Variants in NEGR1 observed in about 807,000 individuals in gnomAD.
NEGR1 encodes neuronal growth regulator 1, also known as IgLON family member 4.
Under a neutral mutation model 40.9 loss-of-function variants are expected in NEGR1, and 10 were observed. The observed-to-expected ratio is 0.24, with a 90% CI of 0.15 to 0.42. NEGR1 has a LOEUF of 0.42. NEGR1 is among the 10% of genes least tolerant of loss of function. The probability of loss-of-function intolerance (pLI) is 1.00; values close to 1 mark genes in which losing one functional copy is unlikely to be tolerated. For synonymous variants in NEGR1, 185 were observed against 166.8 expected, an observed-to-expected ratio of 1.11 and a Z score of -0.84; for missense variants, 352 against 438.9, an observed-to-expected ratio of 0.80 and a Z score of 1.77.
At chr1:71,614,477 G>A (rs1208857089) in intron 4 of NEGR1, among the ~76,000 whole-genome samples, 1 of 152,074 alleles carries the variant, frequency 6.6e-6, no homozygotes, top group Non-Finnish European at 1.5e-5. Context: ...AAAACTTCAT[G>A]TACTTGTCAA....
intron 4 of NEGR1, among the ~76,000 whole-genome samples, chr1:71,612,776 C>T (rs376377802): frequency 4.9e-4 from 74 of 152,180 alleles, no homozygotes; most frequent in Admixed American, 2.4e-3. Flanking sequence ...GAGACAGAAC[C>T]TTGAAGGAAG....
chr1:72,244,774 T>C (rs1245427012), intron 1 of NEGR1, among the ~76,000 whole-genome samples: 2 of 152,010 alleles, frequency 1.3e-5, no homozygotes, highest in Non-Finnish European at 2.9e-5. Context: ...TATTTAAAGA[T>C]ATCTTATTTA....
At chr1:72,273,310 T>C (rs1339520741) in intron 1 of NEGR1, among the ~76,000 whole-genome samples, 4 of 151,976 alleles carry the variant, frequency 2.6e-5, no homozygotes, top group African/African-American at 9.7e-5. Context: ...TTTGTTTAAT[T>C]AAAGCTTTAG....
At chr1:71,497,644 C>T (rs1022115148) in intron 6 of NEGR1, among the ~76,000 whole-genome samples, 8 of 151,634 alleles carry the variant, frequency 5.3e-5, no homozygotes, top group Non-Finnish European at 7.4e-5. Context: ...TTTTGAGAAG[C>T]TAAATGGAAA....
intron 2 of NEGR1, among the ~76,000 whole-genome samples, chr1:71,922,084 G>A (rs1344765322): frequency 6.6e-6 from 1 of 152,150 alleles, no homozygotes; most frequent in African/African-American, 2.4e-5. Context: ...CTCACTGCCA[G>A]AGCCCACAGG....
intron 1 of NEGR1, among the ~76,000 whole-genome samples, chr1:72,250,692 C>A (rs1294399326): frequency 1.3e-5 from 2 of 152,122 alleles, no homozygotes; most frequent in East Asian, 1.9e-4. Context: ...CCGTGAAATT[C>A]TTTTCTTTGT....
chr1:72,231,041 C>T (rs566048173), intron 1 of NEGR1, among the ~76,000 whole-genome samples: 1 of 152,250 alleles, frequency 6.6e-6, no homozygotes, highest in South Asian at 2.1e-4. Context: ...TGATTCATGT[C>T]CTGCCTAGAT....
intron 6 of NEGR1, chr1:71,489,934 C>G (rs747197862): frequency 2.0e-4 from 30 of 151,898 alleles, no homozygotes; most frequent in African/African-American, 6.8e-4. Context: ...GTCCTTCCCC[C>G]GCTCACCCCA....
At chr1:71,838,591 A>G (rs1253641929) in intron 2 of NEGR1, among the ~76,000 whole-genome samples, 2 of 152,140 alleles carry the variant, frequency 1.3e-5, no homozygotes, top group Non-Finnish European at 2.9e-5. Flanking sequence ...TAGGAAATAT[A>G]AAGGCATATT....
intron 1 of NEGR1, among the ~76,000 whole-genome samples, chr1:72,226,960 C>A (rs1316841870): frequency 6.6e-6 from 1 of 151,952 alleles, no homozygotes; most frequent in East Asian, 1.9e-4. Flanking sequence ...CCAAGCTGAT[C>A]TCTTTCAGAA....
At chr1:71,468,760 TA>T (rs1253937258) in intron 6 of NEGR1, 1 of 152,036 alleles carries the variant, frequency 6.6e-6, no homozygotes. Flanking sequence ...TATTCTCAAA[TA>T]AAAACTACCC....
At chr1:71,907,056 G>C (rs1297692494) in intron 2 of NEGR1, among the ~76,000 whole-genome samples, 2 of 152,148 alleles carry the variant, frequency 1.3e-5, no homozygotes, top group African/African-American at 4.8e-5. Flanking sequence ...GCTACAGTCA[G>C]TCCTCTTCCC....
At chr1:71,597,844 C>T (rs1227482807) in intron 5 of NEGR1, among the ~76,000 whole-genome samples, 7 of 151,660 alleles carry the variant, frequency 4.6e-5, no homozygotes, top group East Asian at 1.9e-4. Flanking sequence ...ATCCAGGAGG[C>T]GGAGGTTGCA....
chr1:71,831,905 G>A (rs189984613), intron 2 of NEGR1, among the ~76,000 whole-genome samples: 3 of 152,002 alleles, frequency 2.0e-5, no homozygotes, highest in Non-Finnish European at 2.9e-5. Context: ...TTTGAAGGAA[G>A]TAGGGAGTAC....
chr1:72,247,322 C>G (rs1385464363), intron 1 of NEGR1, among the ~76,000 whole-genome samples: 1 of 152,120 alleles, frequency 6.6e-6, no homozygotes, highest in Non-Finnish European at 1.5e-5. Context: ...GCTAATTTTC[C>G]AAACGTTTAT....
At chr1:72,110,597 C>T (rs1378205541) in intron 1 of NEGR1, among the ~76,000 whole-genome samples, 1 of 151,474 alleles carries the variant, frequency 6.6e-6, no homozygotes, top group Admixed American at 6.6e-5. Flanking sequence ...ATACTATAAA[C>T]CCGAAAAAAC....
At chr1:72,037,120 T>A (rs1202101640) in intron 1 of NEGR1, among the ~76,000 whole-genome samples, 3 of 152,152 alleles carry the variant, frequency 2.0e-5, no homozygotes, top group African/African-American at 7.2e-5. Context: ...TAAATTTGTA[T>A]CTGGATTTTC....
At chr1:71,455,449 A>G (rs1646665370) in intron 6 of NEGR1, among the ~76,000 whole-genome samples, 1 of 152,232 alleles carries the variant, frequency 6.6e-6, no homozygotes, top group African/African-American at 2.4e-5. Context: ...TTGACTGGCC[A>G]GGCACAGTGG....
rs4650127 is a variant in NEGR1, at chr1:72,011,837, C to T, written c.177-76526G>A. Among the ~76,000 whole-genome samples, 159 of 152,072 alleles carry T rather than the reference C, an allele frequency of 1.0e-3. No individual in the cohort carries two copies. In the Middle Eastern group the frequency reaches 0.017, roughly 16 times the overall value. ...CACTACACAAAGGCACAAAGGCAAACGAATAAAATAGCCTAAAGTGTGCAG... is the reference window on the plus strand; with the variant it reads ...CACTACACAAAGGCACAAAGGCAAATGAATAAAATAGCCTAAAGTGTGCAG... On this transcript the variant is annotated intron_variant, in intron 1 of 6. Transcript: ENST00000357731.
Sources: allele counts gnomAD v4.1 joint callset (sites outside exome capture counted in the v4.1 genomes callset), GRCh38; gene constraint gnomAD v4.1.1; transcripts MANE v1.5; gene names NCBI Gene and HGNC (gene_info 2026-07-23, HGNC 2026-07-21).